The following NPEPL1 variants were observed in gnomAD, a reference collection of about 807,000 sequenced individuals.
The protein encoded by NPEPL1 is probable aminopeptidase NPEPL1.
NPEPL1 carries 45 observed loss-of-function variants against 52.4 expected under a neutral mutation model. That is an observed-to-expected ratio of 0.86 (90% CI 0.68 to 1.10). The LOEUF is 1.10. Ranked by LOEUF, NPEPL1 falls within the 50% of genes least tolerant of loss-of-function variation. The pLI is 0.00. For missense variants in NPEPL1, 696 were observed against 710.9 expected (o/e 0.98, Z 0.24); for synonymous variants, 360 against 314.7 (o/e 1.14, Z -1.52).
At chr20:58,694,677 G>C in intron 3 of NPEPL1, 85 bp downstream of exon 3, 1 of 1,382,320 alleles carries the variant, frequency 7.2e-7, no homozygotes, top group Non-Finnish European at 9.7e-7. Context: ...GGAAAAGCTT[G>C]TTGCGGGGGC....
At chr20:58,700,130 G>A (rs2084583349) in intron 5 of NPEPL1, among the ~76,000 whole-genome samples, 1 of 152,224 alleles carries the variant, frequency 6.6e-6, no homozygotes, top group Non-Finnish European at 1.5e-5. Context: ...TCCGAGCAAG[G>A]TCTCTGAGCG....
chr20:58,703,654 G>A (rs8122520), intron 6 of NPEPL1: 36,455 of 985,338 alleles, frequency 0.037, 685 homozygotes, highest in Middle Eastern at 0.056. Flanking sequence ...GTCACTTAGG[G>A]AAAATATCGT....
chr20:58,714,405 A>G (rs1049821677), intron 10 of NPEPL1, 155 bp from the exon 11 acceptor site: 10 of 624,946 alleles, frequency 1.6e-5, no homozygotes, highest in Middle Eastern at 4.3e-4. Context: ...CTCATGGTCA[A>G]GGCCCTCCCA....
At position 58,715,390 on chromosome 20, in the gene NPEPL1, G is replaced by GCAATCTTT; in HGVS notation, c.*68_*69insCTTTCAAT. On this transcript the variant is annotated 3_prime_UTR_variant, in exon 12 of 12. Coordinates refer to ENST00000356091, the MANE Select transcript of NPEPL1 (RefSeq NM_024663.4). ...CTCACTTTGCACTGATTAATTTTAA[G>GCAATCTTT]CAATTGAAAGATTGCCCTTCATATG... 1 of 1,447,808 alleles carries GCAATCTTT rather than the reference G, an allele frequency of 6.9e-7. No individual in the cohort carries two copies. Among genetic ancestry groups the GCAATCTTT allele is most frequent in the Non-Finnish European group, 9.2e-7 (1 of 1,092,044 alleles). 89.7% of individuals were successfully genotyped at this position (1,447,808 alleles called of 1,614,324 possible).
chr20:58,693,993 C>G (rs1478672011), intron 2 of NPEPL1, 71 bp downstream of exon 2: 38 of 1,425,488 alleles, frequency 2.7e-5, no homozygotes, highest in Non-Finnish European at 3.1e-5. Flanking sequence ...CTGGGGAGCT[C>G]ACAGCCCTGC....
chr20:58,700,493 ATTGT>A (rs572895909), intron 5 of NPEPL1, among the ~76,000 whole-genome samples: 78 of 152,286 alleles, frequency 5.1e-4, no homozygotes, highest in African/African-American at 1.8e-3. Context: ...TGTTGCTATG[ATTGT>A]TTGACTCAAT....
Position 58,715,361 on chromosome 20 carries a change from T to C in NPEPL1, c.*35T>C. 1 of 1,569,132 alleles carries C rather than the reference T, an allele frequency of 6.4e-7. No individual in the cohort carries two copies. The highest frequency in any genetic ancestry group is 1.2e-5 in the South Asian group (1 of 85,458). ...CTCGGCCCTGACAAACGGGGATCTT[T>C]TACCTCACTTTGCACTGATTAATTT... is the stretch of plus-strand genomic sequence containing the variant. On this transcript the variant is annotated 3_prime_UTR_variant, in exon 12 of 12. Coordinates refer to ENST00000356091, the MANE Select transcript of NPEPL1 (RefSeq NM_024663.4).
chr20:58,703,579 T>C (rs1055170584), intron 6 of NPEPL1: 262 of 985,176 alleles, frequency 2.7e-4, no homozygotes, highest in Non-Finnish European at 3.1e-4. Flanking sequence ...GTCGGCTTGT[T>C]GTGGACCAAT....
Position 58,699,286 on chromosome 20 carries a change from G to T in NPEPL1, c.679+8G>T. The T allele has an allele frequency of 6.2e-7, 1 of 1,600,636 alleles. No homozygotes were observed. The highest frequency in any genetic ancestry group is 1.1e-5 in the South Asian group (1 of 88,656). ...AGACGAGAGGATTTGGAGGTGGGTG[G>T]GGGCTGCATCCCTGCAGCTCTTGGC... On this transcript the variant is annotated splice_region_variant and intron_variant, in intron 5 of 11. Coordinates refer to ENST00000356091, the MANE Select transcript of NPEPL1 (RefSeq NM_024663.4).
intron 8 of NPEPL1, 139 bp downstream of exon 8, chr20:58,712,718 C>T (rs765103236): frequency 1.8e-5 from 13 of 722,538 alleles, no homozygotes; most frequent in African/African-American, 5.2e-5. Context: ...CCTTGCTTCC[C>T]GGAGGGCTGG....
intron 7 of NPEPL1, chr20:58,711,775 G>A (rs2084849535): frequency 2.0e-5 from 3 of 152,536 alleles, no homozygotes; most frequent in Non-Finnish European, 4.4e-5. Flanking sequence ...GGCTGTTCCA[G>A]GAGATGAGAA....
chr20:58,703,395 G>A (rs959359340), intron 6 of NPEPL1: 2 of 910,328 alleles, frequency 2.2e-6, no homozygotes, highest in Non-Finnish European at 2.6e-6. Context: ...CTTCTAGTCG[G>A]TTATGATTCC....
At chr20:58,691,158 T>A, upstream of NPEPL1, 1 of 703,108 alleles carries the variant, frequency 1.4e-6, no homozygotes, top group Non-Finnish European at 2.6e-6. Context: ...CTCAGTCCTC[T>A]GGAGTGCCGT....
intron 7 of NPEPL1, among the ~76,000 whole-genome samples, chr20:58,707,966 C>T (rs928318611): frequency 2.0e-5 from 3 of 152,194 alleles, no homozygotes; most frequent in Non-Finnish European, 4.4e-5. Context: ...CCTGTAGTCT[C>T]AGCTACTTGG....
chr20:58,706,474 C>T (rs1346067916), intron 6 of NPEPL1, among the ~76,000 whole-genome samples: 2 of 152,160 alleles, frequency 1.3e-5, no homozygotes, highest in African/African-American at 2.4e-5. Flanking sequence ...GGAAGCTAGG[C>T]CCTGTTCTGG....
chr20:58,699,541 G>C (rs80147795), intron 5 of NPEPL1, among the ~76,000 whole-genome samples: 1,657 of 152,362 alleles, frequency 0.011, 21 homozygotes, highest in African/African-American at 0.038. Context: ...AGCCTCTCCA[G>C]CGTCCTCGCG....
intron 10 of NPEPL1, 151 bp from the exon 11 acceptor site, chr20:58,714,409 C>A: frequency 1.6e-6 from 1 of 630,188 alleles, no homozygotes; most frequent in Non-Finnish European, 2.7e-6. Flanking sequence ...TGGTCAAGGC[C>A]CTCCCAGCCC....
In NPEPL1 at chr20:58,712,588, G is replaced by A; in HGVS notation, c.1001+9G>A. 1 of 1,593,370 alleles carries A rather than the reference G, an allele frequency of 6.3e-7. No individual in the cohort carries two copies. Among genetic ancestry groups the A allele is most frequent in the African/African-American group, 1.3e-5 (1 of 74,614 alleles). The stretch of plus-strand genomic sequence containing the variant: ...CTGCTGTACTCAGGGAAGTACGTCT[G>A]GCCCTCCCACTCCTTCCTGCCCACT... On this transcript the variant is annotated intron_variant, in intron 8 of 11. Transcript: ENST00000356091.
intron 8 of NPEPL1, chr20:58,712,963 G>GCTC (rs1328443128): frequency 2.7e-6 from 1 of 376,542 alleles, no homozygotes; most frequent in Admixed American, 3.7e-5. Flanking sequence ...GAAAGTCAAA[G>GCTC]CTGAGCTGGC....
Sources: gnomAD v4.1 joint callset for allele counts (sites outside exome capture counted in the v4.1 genomes callset) on GRCh38, gnomAD v4.1.1 for gene constraint, MANE v1.5 for transcripts, NCBI Gene and HGNC (gene_info 2026-07-23, HGNC 2026-07-21) for gene names.